The following ZBTB20 variants were observed in gnomAD, a reference collection of about 807,000 sequenced individuals.
The protein encoded by ZBTB20 is zinc finger and BTB domain-containing protein 20.
Under a neutral mutation model 56.9 loss-of-function variants are expected in ZBTB20, and 9 were observed. The observed-to-expected ratio is 0.16, with a 90% CI of 0.10 to 0.28. ZBTB20 has a LOEUF of 0.28. Ranked by LOEUF, ZBTB20 falls within the 10% of genes least tolerant of loss-of-function variation. The pLI is 1.00. For synonymous variants in ZBTB20, 417 were observed against 420.7 expected, an observed-to-expected ratio of 0.99 and a Z score of 0.11; for missense variants, 655 against 1,003.0, an observed-to-expected ratio of 0.65 and a Z score of 4.69.
chr3:114,520,425 C>T (rs971901460), intron 6 of ZBTB20, among the ~76,000 whole-genome samples: 1 of 152,082 alleles, frequency 6.6e-6, no homozygotes, highest in Non-Finnish European at 1.5e-5. Context: ...TTGAGGTATA[C>T]AATTACTACA....
At chr3:114,718,162 T>C (rs1237787921) in intron 5 of ZBTB20, among the ~76,000 whole-genome samples, 1 of 152,134 alleles carries the variant, frequency 6.6e-6, no homozygotes, top group Non-Finnish European at 1.5e-5. Context: ...TGAACTACTT[T>C]TGAAAATTCA....
intron 9 of ZBTB20, 72 bp downstream of exon 9, chr3:114,380,705 T>G (rs1052212419): frequency 3.0e-5 from 43 of 1,453,580 alleles, no homozygotes; most frequent in Non-Finnish European, 3.9e-5. Flanking sequence ...GCTGACATTA[T>G]CCAAGAAAGC....
intron 10 of ZBTB20, among the ~76,000 whole-genome samples, chr3:114,370,969 T>G (rs149155906): frequency 5.9e-5 from 9 of 152,304 alleles, no homozygotes; most frequent in East Asian, 3.9e-4. Context: ...ATCCTCCCCA[T>G]TCCTCCTATT....
intron 3 of ZBTB20, among the ~76,000 whole-genome samples, chr3:114,926,825 G>A (rs975659067): frequency 2.0e-5 from 3 of 152,280 alleles, no homozygotes; most frequent in Non-Finnish European, 2.9e-5. Flanking sequence ...ATGCAGTGAC[G>A]TGATCATAGC....
At chr3:114,438,177 TG>T (rs2090648208) in intron 7 of ZBTB20, among the ~76,000 whole-genome samples, 1 of 151,760 alleles carries the variant, frequency 6.6e-6, no homozygotes, top group African/African-American at 2.4e-5. Flanking sequence ...GTGGCATTGG[TG>T]GGGGTCTGAG....
rs945574532 is a variant in ZBTB20, at chr3:114,324,893, C to A, written c.*14112G>T. On this transcript the variant is annotated 3_prime_UTR_variant, in exon 12 of 12. Transcript: ENST00000675478. ...CCAAAGGTAAGTCTGCTTGTCTGCTCATACCCACACATGCATGCTGTAAGT... is the reference window on the plus strand; with the variant it reads ...CCAAAGGTAAGTCTGCTTGTCTGCTAATACCCACACATGCATGCTGTAAGT... 11 of 152,150 alleles carry A rather than the reference C, an allele frequency of 7.2e-5. No homozygotes were observed. The highest frequency in any genetic ancestry group is 2.1e-4 in the South Asian group (1 of 4,824). The allele number at this position is 152,150 out of a possible 1,614,324, so 9.4% of individuals were successfully genotyped here. A position where few individuals can be genotyped will look rare whatever the true frequency, so the allele number is the denominator to read the frequency against.
chr3:114,698,176 A>C (rs1213411423), intron 5 of ZBTB20, among the ~76,000 whole-genome samples: 1 of 152,124 alleles, frequency 6.6e-6, no homozygotes, highest in Non-Finnish European at 1.5e-5. Context: ...GTAAAGAGAA[A>C]TACATTCTAT....
At chr3:114,833,159 A>C (rs2073946659) in intron 4 of ZBTB20, among the ~76,000 whole-genome samples, 1 of 152,166 alleles carries the variant, frequency 6.6e-6, no homozygotes, top group Non-Finnish European at 1.5e-5. Context: ...TTCTATACAT[A>C]AGAAAATAGT....
intron 7 of ZBTB20, among the ~76,000 whole-genome samples, chr3:114,497,017 T>A (rs2043357063): frequency 6.6e-6 from 1 of 152,188 alleles, no homozygotes; most frequent in Admixed American, 6.5e-5. Flanking sequence ...TTGCTGAAGA[T>A]CCCATAAGGA....
At chr3:114,674,043 T>G (rs2108194344) in intron 6 of ZBTB20, among the ~76,000 whole-genome samples, 1 of 152,244 alleles carries the variant, frequency 6.6e-6, no homozygotes, top group South Asian at 2.1e-4. Context: ...GAAAATGCTT[T>G]GGTATATAAA....
chr3:115,070,727 G>A (rs551152844), intron 2 of ZBTB20, among the ~76,000 whole-genome samples: 2 of 151,848 alleles, frequency 1.3e-5, no homozygotes, highest in South Asian at 2.1e-4. Flanking sequence ...CAAAAACTAA[G>A]AGCACAAAAT....
chr3:114,486,794 G>C (rs980874740), intron 7 of ZBTB20, among the ~76,000 whole-genome samples: 1 of 152,138 alleles, frequency 6.6e-6, no homozygotes, highest in Non-Finnish European at 1.5e-5. Flanking sequence ...ATTTACCAGG[G>C]ATTAAAGGTA....
chr3:115,043,065 C>T (rs559509538), intron 2 of ZBTB20, among the ~76,000 whole-genome samples: 1 of 152,262 alleles, frequency 6.6e-6, no homozygotes, highest in Non-Finnish European at 1.5e-5. Flanking sequence ...TTCCAGTTTT[C>T]GGTTGCATCT....
At chr3:114,646,745 T>C (rs2059861795) in intron 6 of ZBTB20, among the ~76,000 whole-genome samples, 1 of 152,218 alleles carries the variant, frequency 6.6e-6, no homozygotes, top group South Asian at 2.1e-4. Context: ...CCAGGCAATT[T>C]GTATGGAAAG....
intron 1 of ZBTB20, among the ~76,000 whole-genome samples, chr3:115,141,727 T>C (rs2084816389): frequency 6.6e-6 from 1 of 152,244 alleles, no homozygotes; most frequent in Non-Finnish European, 1.5e-5. Context: ...ACTTGACAGA[T>C]GGTTAGCCTT....
At chr3:114,707,461 C>G (rs907152497) in intron 5 of ZBTB20, among the ~76,000 whole-genome samples, 1 of 152,222 alleles carries the variant, frequency 6.6e-6, no homozygotes, top group East Asian at 1.9e-4. Context: ...CCCAGGTACA[C>G]TGGCAACCTT....
chr3:114,647,943 T>C (rs1017670058), intron 6 of ZBTB20, among the ~76,000 whole-genome samples: 4 of 152,144 alleles, frequency 2.6e-5, no homozygotes, highest in Non-Finnish European at 5.9e-5. Flanking sequence ...CATTGGAAAA[T>C]AACTAAAGAT....
chr3:114,515,156 C>T (rs936812014), intron 6 of ZBTB20, among the ~76,000 whole-genome samples: 4 of 152,164 alleles, frequency 2.6e-5, no homozygotes, highest in Admixed American at 6.5e-5. Flanking sequence ...TTTGTAAGGC[C>T]GGGCTCCTTA....
At chr3:114,514,638 A>G (rs1025592354) in intron 6 of ZBTB20, among the ~76,000 whole-genome samples, 1 of 152,124 alleles carries the variant, frequency 6.6e-6, no homozygotes, top group African/African-American at 2.4e-5. Context: ...GGAATACTTT[A>G]TTTGGTCACT....
Sources: allele counts gnomAD v4.1 joint callset (sites outside exome capture counted in the v4.1 genomes callset), GRCh38; gene constraint gnomAD v4.1.1; transcripts MANE v1.5; gene names NCBI Gene and HGNC (gene_info 2026-07-23, HGNC 2026-07-21).